TENM4: variants seen among roughly 807,000 people sequenced by gnomAD.
TENM4 encodes the protein teneurin-4.
TENM4 carries 82 observed loss-of-function variants against 243.3 expected under a neutral mutation model. That is an observed-to-expected ratio of 0.34 (90% CI 0.28 to 0.40). TENM4 has a LOEUF of 0.40. Among genes scored for constraint, TENM4 ranks in the 10% least tolerant of loss-of-function variants. TENM4 has a pLI of 1.00. For missense variants in TENM4, 3,138 were observed against 3,673.3 expected (o/e 0.85, Z 3.77); for synonymous variants, 1,412 against 1,456.3 (o/e 0.97, Z 0.69).
chr11:79,123,471 A>G (rs1861788150), intron 4 of TENM4, among the ~76,000 whole-genome samples: 1 of 152,184 alleles, frequency 6.6e-6, no homozygotes, highest in Non-Finnish European at 1.5e-5. Context: ...GGGTCAAGTC[A>G]GAGGAAAAAG....
chr11:78,806,648 A>G (rs1000832312), intron 14 of TENM4, among the ~76,000 whole-genome samples: 1 of 152,242 alleles, frequency 6.6e-6, no homozygotes, highest in African/African-American at 2.4e-5. Flanking sequence ...TCACACAGCT[A>G]AACTCTGCCA....
intron 6 of TENM4, among the ~76,000 whole-genome samples, chr11:79,005,268 A>G (rs1858452697): frequency 6.6e-6 from 1 of 152,200 alleles, no homozygotes; most frequent in Admixed American, 6.5e-5. Flanking sequence ...CTATGAGGCC[A>G]GCATTATCCT....
chr11:78,880,457 TAAAAAAAAAAAAAAAAAA>T lies in TENM4; in HGVS notation c.1084+9310_1084+9327del, dbSNP rs71763484. 1.8e-3 allele frequency among the ~76,000 whole-genome samples: 185 copies of T among 104,618 alleles called. 1 individual carries two copies. Among genetic ancestry groups the T allele is most frequent in the African/African-American group, 0.012 (181 of 14,710 alleles). The allele number at this position is 104,618 out of a possible 152,430, so 68.6% of individuals were successfully genotyped here. ...ACACCCAAGAATGATCAATAAATAC[TAAAAAAAAAAAAAAAAAA>T]AAAAAAAAAAAAAAGAAAGAAAAAA... On this transcript the variant is annotated intron_variant, in intron 9 of 33. Coordinates refer to ENST00000278550, the MANE Select transcript of TENM4 (RefSeq NM_001098816.3).
intron 6 of TENM4, among the ~76,000 whole-genome samples, chr11:78,997,497 T>G (rs1858205298): frequency 6.6e-6 from 1 of 152,242 alleles, no homozygotes; most frequent in South Asian, 2.1e-4. Flanking sequence ...GTGCCATAGT[T>G]ATAATTCAGG....
chr11:79,407,806 T>C (rs1565333861), intron 1 of TENM4, among the ~76,000 whole-genome samples: 1 of 152,236 alleles, frequency 6.6e-6, no homozygotes, highest in Non-Finnish European at 1.5e-5. Flanking sequence ...AAGAATCACC[T>C]GGAGGGCTGG....
chr11:78,834,457 A>C (rs1181451143), intron 12 of TENM4, among the ~76,000 whole-genome samples: 1 of 152,152 alleles, frequency 6.6e-6, no homozygotes, highest in African/African-American at 2.4e-5. Context: ...AGATGCCAAA[A>C]AGCTCTGTGT....
intron 29 of TENM4, 131 bp downstream of exon 29, chr11:78,687,923 T>C (rs977514425): frequency 2.5e-5 from 27 of 1,077,704 alleles, no homozygotes; most frequent in Non-Finnish European, 3.5e-5. Context: ...AATTAGGTGA[T>C]AATACAGAGA....
At chr11:78,794,575 G>A (rs1482818884) in intron 15 of TENM4, among the ~76,000 whole-genome samples, 1 of 152,234 alleles carries the variant, frequency 6.6e-6, no homozygotes, top group African/African-American at 2.4e-5. Context: ...GATGTGATTT[G>A]GCTTAGTGGC....
At chr11:79,146,942 C>T (rs1297083863) in intron 4 of TENM4, among the ~76,000 whole-genome samples, 1 of 152,116 alleles carries the variant, frequency 6.6e-6, no homozygotes, top group Non-Finnish European at 1.5e-5. Context: ...GTGGTGACTA[C>T]CTCCAAAGGG....
chr11:79,236,764 C>T (rs79435549), intron 2 of TENM4, among the ~76,000 whole-genome samples: 1,539 of 152,220 alleles, frequency 0.01, 37 homozygotes, highest in African/African-American at 0.036. Flanking sequence ...GCGGCGAGAC[C>T]CAAGTTCTAT....
chr11:79,076,573 G>C (rs1402714505), intron 4 of TENM4, among the ~76,000 whole-genome samples: 1 of 152,262 alleles, frequency 6.6e-6, no homozygotes, highest in Non-Finnish European at 1.5e-5. Flanking sequence ...CCCACAACAC[G>C]TGGGAATTCA....
intron 1 of TENM4, among the ~76,000 whole-genome samples, chr11:79,353,135 G>A (rs1857442528): frequency 6.6e-6 from 1 of 152,174 alleles, no homozygotes; most frequent in Non-Finnish European, 1.5e-5. Context: ...TATGGGGCAG[G>A]AAAACAAAGC....
intron 1 of TENM4, among the ~76,000 whole-genome samples, chr11:79,418,989 C>T (rs61884060): frequency 0.074 from 11,228 of 152,294 alleles, 484 homozygotes; most frequent in East Asian, 0.11. Flanking sequence ...TGTATGGCCT[C>T]TCCAGGTGCC....
chr11:79,258,073 T>G (rs901098444), intron 2 of TENM4, among the ~76,000 whole-genome samples: 5 of 152,286 alleles, frequency 3.3e-5, no homozygotes, highest in African/African-American at 1.2e-4. Context: ...TTATCCCCCT[T>G]ACATTAATGG....
intron 6 of TENM4, among the ~76,000 whole-genome samples, chr11:78,923,922 T>C (rs1448826814): frequency 6.6e-6 from 1 of 150,788 alleles, no homozygotes; most frequent in Non-Finnish European, 1.5e-5. Context: ...TGGTGTGATC[T>C]CGGCTTACTG....
chr11:79,330,662 A>G (rs957369230), intron 1 of TENM4, among the ~76,000 whole-genome samples: 1 of 152,218 alleles, frequency 6.6e-6, no homozygotes, highest in South Asian at 2.1e-4. Context: ...GTCGAGAGCT[A>G]TGTGGTCCAC....
chr11:78,802,639 C>T (rs1374430844), intron 15 of TENM4, among the ~76,000 whole-genome samples: 3 of 152,226 alleles, frequency 2.0e-5, no homozygotes, highest in Admixed American at 6.5e-5. Context: ...CAAGTCACGG[C>T]CACTCCTCTA....
intron 1 of TENM4, among the ~76,000 whole-genome samples, chr11:79,314,438 C>T (rs1040295558): frequency 6.6e-6 from 1 of 152,128 alleles, no homozygotes; most frequent in African/African-American, 2.4e-5. Context: ...GTCTTGCTGA[C>T]CGGAAGTTGG....
intron 5 of TENM4, among the ~76,000 whole-genome samples, chr11:79,069,164 A>G (rs1429506335): frequency 6.6e-6 from 1 of 152,206 alleles, no homozygotes; most frequent in Non-Finnish European, 1.5e-5. Flanking sequence ...AGGCACCAGA[A>G]TATCCTACAA....
Sources: gnomAD v4.1 joint callset for allele counts (sites outside exome capture counted in the v4.1 genomes callset) on GRCh38, gnomAD v4.1.1 for gene constraint, MANE v1.5 for transcripts, NCBI Gene and HGNC (gene_info 2026-07-23, HGNC 2026-07-21) for gene names.